The following CDKAL1 variants were observed in gnomAD, a reference collection of about 807,000 sequenced individuals.
CDKAL1 encodes the protein CDKAL1 threonylcarbamoyladenosine tRNA methylthiotransferase.
In CDKAL1, 32 loss-of-function variants were observed where a neutral mutation model predicts 68.2. That is an observed-to-expected ratio of 0.47 (90% CI 0.35 to 0.63). The LOEUF (loss-of-function observed/expected upper bound fraction) is 0.63. Ranked by LOEUF, CDKAL1 falls within the 30% of genes least tolerant of loss-of-function variation. CDKAL1 has a pLI of 0.00. For synonymous variants in CDKAL1, 234 were observed against 244.3 expected, an observed-to-expected ratio of 0.96 and a Z score of 0.39; for missense variants, 606 against 696.7, an observed-to-expected ratio of 0.87 and a Z score of 1.47.
Position 20,546,602 on chromosome 6 carries a change from G to A in CDKAL1, c.173+79G>A, listed in dbSNP as rs1581704243. On this transcript the variant is annotated intron_variant, in intron 3 of 15. Coordinates refer to ENST00000274695, the MANE Select transcript of CDKAL1 (RefSeq NM_017774.3). ...AGAGTCTTGCTCTGTCGCCCAGGCT[G>A]GAGTGCAGTGGTGTGATCTCGGTTC... 4.2e-6 allele frequency: 5 copies of A among 1,180,816 alleles called. No individual in the cohort carries two copies. In the East Asian group the frequency reaches 1.0e-4, roughly 24 times the overall value. The allele number at this position is 1,180,816 out of a possible 1,614,324, so 73.1% of individuals were successfully genotyped here.
intron 10 of CDKAL1, among the ~76,000 whole-genome samples, chr6:20,996,557 CACA>C (rs1379072807): frequency 1.3e-5 from 2 of 152,202 alleles, no homozygotes. Flanking sequence ...TCAGAACACA[CACA>C]ACATTTATTA....
intron 10 of CDKAL1, among the ~76,000 whole-genome samples, chr6:20,971,599 A>T (rs1164927744): frequency 6.6e-6 from 1 of 152,254 alleles, no homozygotes; most frequent in Non-Finnish European, 1.5e-5. Context: ...ATTTTAGAAT[A>T]TAACAATTTT....
At chr6:21,072,095 TCTATGGTGATTTTA>T (rs1387507718) in intron 12 of CDKAL1, among the ~76,000 whole-genome samples, 7 of 152,276 alleles carry the variant, frequency 4.6e-5, no homozygotes, top group Admixed American at 3.9e-4. Flanking sequence ...CAGCTGAAAT[TCTATGGTGATTTTA>T]CCAGGACTTT....
chr6:21,153,885 A>G (rs1168494314), intron 13 of CDKAL1, among the ~76,000 whole-genome samples: 1 of 152,178 alleles, frequency 6.6e-6, no homozygotes, highest in Non-Finnish European at 1.5e-5. Context: ...TCATTTGAGA[A>G]GGACACTGGA....
chr6:20,759,397 C>T (rs1225598090), intron 7 of CDKAL1, among the ~76,000 whole-genome samples: 1 of 151,954 alleles, frequency 6.6e-6, no homozygotes, highest in African/African-American at 2.4e-5. Flanking sequence ...GAAAAATTAG[C>T]TGGGTGTGGT....
chr6:20,792,299 C>T (rs1371372827), intron 8 of CDKAL1, among the ~76,000 whole-genome samples: 2 of 152,038 alleles, frequency 1.3e-5, no homozygotes, highest in Non-Finnish European at 1.5e-5. Context: ...TTTGGTAAAT[C>T]CACTAAGAAA....
At chr6:21,092,226 G>A (rs1339851264) in intron 12 of CDKAL1, among the ~76,000 whole-genome samples, 2 of 147,710 alleles carry the variant, frequency 1.4e-5, no homozygotes, top group Admixed American at 1.4e-4. Context: ...TTTCTGGGTC[G>A]GGGGGGCGGG....
chr6:20,631,948 T>A (rs1445889676), intron 4 of CDKAL1, among the ~76,000 whole-genome samples: 3 of 152,266 alleles, frequency 2.0e-5, no homozygotes, highest in African/African-American at 7.2e-5. Flanking sequence ...CATTTTCTTT[T>A]ATTTTTTCTT....
intron 10 of CDKAL1, among the ~76,000 whole-genome samples, chr6:20,998,868 G>A (rs567018129): frequency 2.0e-5 from 3 of 152,264 alleles, no homozygotes; most frequent in African/African-American, 7.2e-5. Context: ...TTAAACAACC[G>A]CTGCTAAGAA....
chr6:21,187,677 G>A (rs1264387208), intron 13 of CDKAL1, among the ~76,000 whole-genome samples: 1 of 152,102 alleles, frequency 6.6e-6, no homozygotes, highest in Non-Finnish European at 1.5e-5. Flanking sequence ...AGGTGTGAGG[G>A]AAGTTGGCAA....
intron 10 of CDKAL1, among the ~76,000 whole-genome samples, chr6:20,991,643 G>A (rs1270183419): frequency 6.9e-6 from 1 of 145,838 alleles, no homozygotes; most frequent in Non-Finnish European, 1.5e-5. Flanking sequence ...GGAGGCAGAG[G>A]TTGCAGCGAA....
At chr6:21,132,246 CATT>C (rs1482110594) in intron 13 of CDKAL1, among the ~76,000 whole-genome samples, 1 of 152,082 alleles carries the variant, frequency 6.6e-6, no homozygotes, top group African/African-American at 2.4e-5. Context: ...GAATATCCAT[CATT>C]AAGGAAATTA....
rs1777513321 is a variant in CDKAL1, at chr6:20,826,612, G to T, written c.639-19463G>T. ...TTAATAGATAAACGTCTGGTGGTTT[G>T]TGTTTTGCTGCGAGATGCATGTGAG... On this transcript the variant is annotated intron_variant, in intron 8 of 15. Coordinates refer to ENST00000274695, the MANE Select transcript of CDKAL1 (RefSeq NM_017774.3). Among the ~76,000 whole-genome samples the T allele has an allele frequency of 2.6e-5, 4 of 152,078 alleles. 1 individual carries two copies. Among genetic ancestry groups the T allele is most frequent in the African/African-American group, 9.7e-5 (4 of 41,424 alleles).
intron 13 of CDKAL1, among the ~76,000 whole-genome samples, chr6:21,117,047 A>C (rs562801106): frequency 6.6e-6 from 1 of 152,176 alleles, no homozygotes; most frequent in African/African-American, 2.4e-5. Context: ...CCCAGTTAAG[A>C]TGTATCCCCA....
chr6:20,743,162 G>A (rs2150329128), intron 6 of CDKAL1, among the ~76,000 whole-genome samples: 1 of 152,282 alleles, frequency 6.6e-6, no homozygotes, highest in African/African-American at 2.4e-5. Context: ...TTAGCAGGAA[G>A]TTTAGAATTG....
chr6:21,180,158 C>T (rs1176005812), intron 13 of CDKAL1, among the ~76,000 whole-genome samples: 1 of 152,098 alleles, frequency 6.6e-6, no homozygotes, highest in Non-Finnish European at 1.5e-5. Context: ...TGTTTGGTGA[C>T]AAAATAAGGT....
intron 9 of CDKAL1, among the ~76,000 whole-genome samples, chr6:20,946,743 T>TGC (rs1037925383): frequency 6.6e-6 from 1 of 151,960 alleles, no homozygotes; most frequent in Admixed American, 6.6e-5. Context: ...ATTACAGGCA[T>TGC]GCGCCACCAC....
At chr6:20,940,472 C>T (rs1205615746) in intron 9 of CDKAL1, among the ~76,000 whole-genome samples, 1 of 152,006 alleles carries the variant, frequency 6.6e-6, no homozygotes, top group Admixed American at 6.6e-5. Context: ...ATTAAAAAAG[C>T]AAAAAGATAC....
chr6:20,895,477 C>T (rs937407627), intron 9 of CDKAL1, among the ~76,000 whole-genome samples: 10 of 152,170 alleles, frequency 6.6e-5, no homozygotes, highest in African/African-American at 9.7e-5. Context: ...TTTCCCCATA[C>T]GCTTGCTCAG....
Sources: allele counts gnomAD v4.1 joint callset (sites outside exome capture counted in the v4.1 genomes callset), GRCh38; gene constraint gnomAD v4.1.1; transcripts MANE v1.5; gene names NCBI Gene and HGNC (gene_info 2026-07-23, HGNC 2026-07-21).